DGKI: variants seen among roughly 807,000 people sequenced by gnomAD.
The protein encoded by DGKI is diacylglycerol kinase iota, also known as DAG kinase iota.
Under a neutral mutation model 147.5 loss-of-function variants are expected in DGKI, and 55 were observed. The observed-to-expected ratio is 0.37, with a 90% confidence interval of 0.30 to 0.47. The LOEUF is 0.47. DGKI is among the 20% of genes least tolerant of loss of function. The pLI, the probability that DGKI is intolerant of heterozygous loss-of-function variation, is 1.00. For synonymous variants in DGKI, 469 were observed against 477.1 expected (o/e 0.98, Z 0.22); for missense variants, 1,007 against 1,323.8 (o/e 0.76, Z 3.71).
intron 20 of DGKI, among the ~76,000 whole-genome samples, chr7:137,551,449 A>T (rs1442665787): frequency 6.6e-6 from 1 of 152,216 alleles, no homozygotes; most frequent in Non-Finnish European, 1.5e-5. Context: ...CAGTGCAAAT[A>T]GGTAACCATG....
intron 27 of DGKI, among the ~76,000 whole-genome samples, chr7:137,460,752 TA>T (rs1585135732): frequency 6.6e-6 from 1 of 152,158 alleles, no homozygotes; most frequent in East Asian, 1.9e-4. Flanking sequence ...ACTTGTACAA[TA>T]CAAAACAAAA....
At chr7:137,745,531 G>A (rs964678988) in intron 1 of DGKI, among the ~76,000 whole-genome samples, 1 of 152,218 alleles carries the variant, frequency 6.6e-6, no homozygotes, top group Admixed American at 6.5e-5. Context: ...TGCTCAGGCA[G>A]TGAATCCTCC....
intron 1 of DGKI, among the ~76,000 whole-genome samples, chr7:137,836,055 A>AGCACC (rs1447817000): frequency 1.3e-5 from 2 of 152,358 alleles, no homozygotes; most frequent in South Asian, 4.1e-4. Context: ...AAGCTGTGAA[A>AGCACC]GCACCACACA....
At chr7:137,732,207 T>G (rs1473692615) in intron 1 of DGKI, among the ~76,000 whole-genome samples, 1 of 152,026 alleles carries the variant, frequency 6.6e-6, no homozygotes, top group Non-Finnish European at 1.5e-5. Flanking sequence ...AAATACACAT[T>G]TTGTATGCCT....
chr7:137,662,854 C>T (rs577617438), intron 3 of DGKI, among the ~76,000 whole-genome samples: 8 of 152,278 alleles, frequency 5.3e-5, no homozygotes, highest in Admixed American at 2.6e-4. Context: ...TCTGAGATAG[C>T]CCCCAACAAC....
chr7:137,640,529 AATGAGTGC>A (rs1304025152), intron 6 of DGKI, among the ~76,000 whole-genome samples: 1 of 152,184 alleles, frequency 6.6e-6, no homozygotes, highest in Non-Finnish European at 1.5e-5. Flanking sequence ...AAACCTGCCC[AATGAGTGC>A]ATGGATCCTC....
At chr7:137,551,065 A>T (rs1191393507) in intron 20 of DGKI, among the ~76,000 whole-genome samples, 8 of 152,216 alleles carry the variant, frequency 5.3e-5, no homozygotes, top group Non-Finnish European at 8.8e-5. Context: ...ATGAGCGAGG[A>T]GTTTCACTAA....
At chr7:137,393,908 G>A (rs1811454586) in intron 32 of DGKI, among the ~76,000 whole-genome samples, 1 of 151,984 alleles carries the variant, frequency 6.6e-6, no homozygotes, top group Admixed American at 6.6e-5. Context: ...GAGGCCCCAG[G>A]GAAAAAAATT....
chr7:137,467,014 C>T (rs1814687221), intron 24 of DGKI, 72 bp from the exon 25 acceptor site: 14 of 1,470,968 alleles, frequency 9.5e-6, no homozygotes, highest in Admixed American at 8.5e-5. Context: ...ACCTTCTCTT[C>T]GACTATGCTG....
intron 3 of DGKI, among the ~76,000 whole-genome samples, chr7:137,671,249 C>T (rs1053086939): frequency 3.9e-5 from 6 of 152,156 alleles, no homozygotes; most frequent in Admixed American, 2.0e-4. Flanking sequence ...TGTGATACCC[C>T]GTTACAGACA....
At position 137,795,992 on chromosome 7, in the gene DGKI, T is replaced by G. The variant is rs191216216; in HGVS notation, c.401+50470A>C. ...AACACACAGCATCAACAACTACTAC[T>G]ACTACTAGTAATGGCAACAAAAACA... On this transcript the variant is annotated intron_variant, in intron 1 of 32. Coordinates refer to ENST00000614521, the MANE Select transcript of DGKI (RefSeq NM_001321708.2). Among the ~76,000 whole-genome samples the G allele has an allele frequency of 6.3e-4, 96 of 152,320 alleles. No individual in the cohort carries two copies. The East Asian group carries it at 0.017, about 27-fold the overall frequency.
At chr7:137,749,332 C>T (rs1307746031) in intron 1 of DGKI, among the ~76,000 whole-genome samples, 1 of 152,178 alleles carries the variant, frequency 6.6e-6, no homozygotes, top group African/African-American at 2.4e-5. Flanking sequence ...TTCTTAGCTG[C>T]TCCTGGTAGA....
intron 23 of DGKI, among the ~76,000 whole-genome samples, chr7:137,473,471 A>G (rs2128930409): frequency 6.6e-6 from 1 of 152,266 alleles, no homozygotes; most frequent in African/African-American, 2.4e-5. Context: ...TGCTTTCTAG[A>G]TTATCAAAGT....
intron 1 of DGKI, among the ~76,000 whole-genome samples, chr7:137,698,941 T>A (rs866211114): frequency 2.0e-5 from 3 of 152,178 alleles, no homozygotes; most frequent in Admixed American, 2.0e-4. Context: ...TACCAGGGCA[T>A]GCAATGGACT....
At chr7:137,461,358 G>A (rs1221248633) in intron 27 of DGKI, among the ~76,000 whole-genome samples, 1 of 152,158 alleles carries the variant, frequency 6.6e-6, no homozygotes, top group Non-Finnish European at 1.5e-5. Flanking sequence ...ATTTAATTAT[G>A]ATACAAAGCA....
intron 1 of DGKI, among the ~76,000 whole-genome samples, chr7:137,771,029 G>C (rs1393153159): frequency 6.6e-6 from 1 of 152,038 alleles, no homozygotes; most frequent in East Asian, 1.9e-4. Flanking sequence ...GTATAATTCT[G>C]CTTCTTATTC....
intron 20 of DGKI, among the ~76,000 whole-genome samples, chr7:137,532,028 C>T (rs1817355746): frequency 6.2e-5 from 1 of 16,244 alleles, no homozygotes. Flanking sequence ...CATCTACAAA[C>T]CAATAGAAAA....
At chr7:137,723,367 C>T (rs1344574715) in intron 1 of DGKI, among the ~76,000 whole-genome samples, 1 of 152,230 alleles carries the variant, frequency 6.6e-6, no homozygotes, top group Non-Finnish European at 1.5e-5. Context: ...CTTGTGAGAA[C>T]TGGGCAGACT....
At chr7:137,526,804 T>C (rs1817162195) in intron 20 of DGKI, among the ~76,000 whole-genome samples, 1 of 152,140 alleles carries the variant, frequency 6.6e-6, no homozygotes, top group South Asian at 2.1e-4. Context: ...TCCTCCCTAG[T>C]GCCCTCAAAC....
Sources: gnomAD v4.1 joint callset for allele counts (sites outside exome capture counted in the v4.1 genomes callset) on GRCh38, gnomAD v4.1.1 for gene constraint, MANE v1.5 for transcripts, NCBI Gene and HGNC (gene_info 2026-07-23, HGNC 2026-07-21) for gene names.